The following REV1 variants were observed in gnomAD, a reference collection of about 807,000 sequenced individuals.
REV1 encodes translesion synthesis protein REV1.
A neutral mutation model predicts 137.4 loss-of-function variants in REV1; 42 were observed. The observed-to-expected ratio is 0.31, with a 90% CI of 0.24 to 0.40. REV1 has a LOEUF of 0.40. REV1 is among the 10% of genes least tolerant of loss of function. The pLI, the probability that REV1 is intolerant of heterozygous loss-of-function variation, is 1.00. For missense variants in REV1, 1,282 were observed against 1,490.1 expected (o/e 0.86, Z 2.30); for synonymous variants, 524 against 519.2 (o/e 1.01, Z -0.12).
Position 99,402,782 on chromosome 2 carries a change from T to G in REV1, c.3403A>C (p.Thr1135Pro). The G allele has an allele frequency of 8.1e-6, 13 of 1,614,204 alleles. No homozygotes were observed. The highest frequency in any genetic ancestry group is 1.1e-5 in the Non-Finnish European group (13 of 1,180,036). The change falls in exon 21 of 23, where the codon ACT becomes CCT. Residue 1135 changes from threonine (T) to proline (P), a missense_variant. By Grantham distance (38) the Thr-to-Pro change is conservative (BLOSUM62 -1). This residue lies in a region of REV1 where 170 missense variants were observed against 156.8 expected (regional missense o/e 1.08). Transcript: ENST00000258428. ...EKPLEELSAS[T>P]SGVPGLSSLQ... ...CTAGAAAGGCCTGGCACACCTGAAG[T>G]AGAAGCAGAGAGTTCTTCCTGTTAA... is the stretch of plus-strand genomic sequence containing the variant.
rs1405820818 is a variant in REV1 at position 99,488,476 on chromosome 2, A to T, written c.-11+1341T>A. Reference sequence around the variant, plus strand: ...ACTCTACCCTCAAAAGGTCCTACACAGTAAGAGAAGACAGGGCTAAAAAGA... The same window carrying T: ...ACTCTACCCTCAAAAGGTCCTACACTGTAAGAGAAGACAGGGCTAAAAAGA... On this transcript the variant is annotated intron_variant, in intron 1 of 22. Transcript: ENST00000258428. Among the ~76,000 whole-genome samples the T allele has an allele frequency of 3.3e-5, 2 of 60,826 alleles. 1 individual carries two copies. The highest frequency in any genetic ancestry group is 1.1e-4 in the African/African-American group (2 of 17,702). 39.9% of individuals were successfully genotyped at this position (60,826 alleles called of 152,430 possible).
At chr2:99,472,084 C>CA (rs1400017227) in intron 1 of REV1, among the ~76,000 whole-genome samples, 1 of 151,998 alleles carries the variant, frequency 6.6e-6, no homozygotes, top group African/African-American at 2.4e-5. Context: ...ACCTGAGACA[C>CA]AAAGAGGTAT....
chr2:99,447,329 C>T (rs1559365180), intron 4 of REV1, among the ~76,000 whole-genome samples: 1 of 151,980 alleles, frequency 6.6e-6, no homozygotes, highest in African/African-American at 2.4e-5. Flanking sequence ...CGCGCCACCA[C>T]GCCCAGCTAA....
Position 99,449,452 on chromosome 2 carries a change from G to T in REV1, c.234C>A (p.Tyr78Ter), listed in dbSNP as rs896062585. 1 of 1,545,834 alleles carries T rather than the reference G, an allele frequency of 6.5e-7. No individual in the cohort carries two copies. Among genetic ancestry groups the T allele is most frequent in the South Asian group, 1.3e-5 (1 of 76,138 alleles). Reference sequence around the variant, plus strand: ...TTTTAGATCTGGAATAATATACATGGTATTGACCTCCATGCAACATCATTA... The same window carrying T: ...TTTTAGATCTGGAATAATATACATGTTATTGACCTCCATGCAACATCATTA... ...RKLMMLHGGQ[Y>*]HVYYSRSKTT... The change falls in exon 4 of 23, where the codon TAC (tyrosine) becomes TAA (stop). Residue 78 changes from tyrosine to a stop codon, truncating the protein, a stop_gained. Transcript: ENST00000258428. LOFTEE classifies it high-confidence loss of function.
intron 1 of REV1, among the ~76,000 whole-genome samples, chr2:99,470,185 A>G (rs1427949054): frequency 6.6e-6 from 1 of 152,196 alleles, no homozygotes; most frequent in Non-Finnish European, 1.5e-5. Flanking sequence ...GGTTCTAAAC[A>G]GTTCATCACA....
At position 99,438,897 on chromosome 2, in the gene REV1, T is replaced by C; in HGVS notation, c.917A>G (p.Asn306Ser). ...NSFSLSPLHS[N>S]TKINGAHHST... The stretch of plus-strand genomic sequence containing the variant: ...GTGGTGAGCACCATTGATTTTAGTG[T>C]TACTGTGCAAAGGTGATAATGAGAA... Residue 306 changes from asparagine (N) to serine (S), a missense_variant, in exon 6 of 23, where the codon AAC becomes AGC. Physicochemically the swap from Asn to Ser is conservative, Grantham distance 46. Transcript: ENST00000258428. The C allele has an allele frequency of 2.5e-6, 4 of 1,614,180 alleles. No individual in the cohort carries two copies. The highest frequency in any genetic ancestry group is 3.4e-6 in the Non-Finnish European group (4 of 1,180,024).
At position 99,404,482 on chromosome 2, in the gene REV1, C is replaced by T. The variant is rs3087401; in HGVS notation, c.3007G>A (p.Ala1003Thr). Residue 1003 changes from alanine (A) to threonine (T), a missense_variant, in exon 18 of 23, where the codon GCA becomes ACA. Physicochemically the swap from Ala to Thr is moderately conservative, Grantham distance 58. Transcript: ENST00000258428. Reference sequence around the variant, plus strand: ...GGAAGGGCTATTAAATTTATTCCTGCGTCACTGTTCGATTCTTGAGGTTCT... The same window carrying T: ...GGAAGGGCTATTAAATTTATTCCTGTGTCACTGTTCGATTCTTGAGGTTCT... The part of the protein sequence containing the change: ...IPEPQESNSD[A>T]GINLIALPAF... 18,123 of 1,614,048 alleles carry T rather than the reference C, an allele frequency of 0.011. 1,623 individuals carry two copies. The Admixed American group carries it at 0.2, about 18-fold the overall frequency.
chr2:99,486,669 C>G (rs1317540443), intron 1 of REV1, among the ~76,000 whole-genome samples: 4 of 152,202 alleles, frequency 2.6e-5, no homozygotes, highest in Non-Finnish European at 5.9e-5. Flanking sequence ...TATTAACTTG[C>G]CCACAGTCTC....
intron 11 of REV1, 121 bp downstream of exon 11, chr2:99,421,378 A>C (rs1678653866): frequency 2.5e-6 from 2 of 807,638 alleles, no homozygotes; most frequent in South Asian, 1.9e-5. Context: ...AATTGTAAGC[A>C]ATGCTAAAAA....
chr2:99,403,537 A>G (rs1169485337), intron 19 of REV1, 158 bp downstream of exon 19: 1 of 864,076 alleles, frequency 1.2e-6, no homozygotes, highest in Non-Finnish European at 1.8e-6. Flanking sequence ...AAATATGATG[A>G]TATTTACTCA....
At chr2:99,436,164 GTGC>G (rs974182123) in intron 6 of REV1, among the ~76,000 whole-genome samples, 31 of 152,244 alleles carry the variant, frequency 2.0e-4, no homozygotes, top group African/African-American at 7.2e-4. Context: ...TTATTTCACT[GTGC>G]TGATTATTTT....
chr2:99,419,842 A>G (rs1236161277), intron 11 of REV1, among the ~76,000 whole-genome samples: 1 of 152,184 alleles, frequency 6.6e-6, no homozygotes, highest in East Asian at 1.9e-4. Flanking sequence ...TAAAATCTCC[A>G]AAGGGAAGAC....
At chr2:99,404,330 C>A in intron 18 of REV1, 114 bp downstream of exon 18, 1 of 820,524 alleles carries the variant, frequency 1.2e-6, no homozygotes, top group Non-Finnish European at 2.0e-6. Flanking sequence ...CCTCCCCTCC[C>A]CAGTGGATGT....
At chr2:99,447,229 T>A (rs1246860147) in intron 4 of REV1, among the ~76,000 whole-genome samples, 1 of 151,836 alleles carries the variant, frequency 6.6e-6, no homozygotes, top group Non-Finnish European at 1.5e-5. Flanking sequence ...TGATCTCAGC[T>A]CATTGTAACC....
At chr2:99,486,083 C>G (rs937131686) in intron 1 of REV1, among the ~76,000 whole-genome samples, 1 of 152,200 alleles carries the variant, frequency 6.6e-6, no homozygotes, top group Admixed American at 6.5e-5. Flanking sequence ...CGTGATCACA[C>G]CACTGCATTC....
chr2:99,420,395 C>T lies in REV1; in HGVS notation c.1831+1104G>A, dbSNP rs1439160263. Among the ~76,000 whole-genome samples, 4 of 152,184 alleles carry T rather than the reference C, an allele frequency of 2.6e-5. No individual in the cohort carries two copies. In the East Asian group the frequency reaches 5.8e-4, roughly 22 times the overall value. On this transcript the variant is annotated intron_variant, in intron 11 of 22. Coordinates refer to ENST00000258428, the MANE Select transcript of REV1 (RefSeq NM_016316.4). ...CCCTAAATTGTCCCAGGGCCAGCTA[C>T]CAGGCAACTAGGGACCACCCCTATA...
intron 3 of REV1, among the ~76,000 whole-genome samples, chr2:99,455,167 G>A (rs1683398322): frequency 6.6e-6 from 1 of 152,180 alleles, no homozygotes; most frequent in African/African-American, 2.4e-5. Flanking sequence ...ATTGTTGACT[G>A]TGCTATATAA....
At chr2:99,449,170 T>C (rs1025180074) in intron 4 of REV1, among the ~76,000 whole-genome samples, 166 bp downstream of exon 4, 4 of 151,952 alleles carry the variant, frequency 2.6e-5, no homozygotes, top group Admixed American at 1.3e-4. Context: ...GAAGCTGAGA[T>C]GGGAGGGCTG....
At chr2:99,421,012 G>C (rs530082991) in intron 11 of REV1, among the ~76,000 whole-genome samples, 2 of 152,182 alleles carry the variant, frequency 1.3e-5, no homozygotes, top group Non-Finnish European at 2.9e-5. Flanking sequence ...TGGAAACAAA[G>C]TACAAGGTTT....
Sources: allele counts gnomAD v4.1 joint callset (sites outside exome capture counted in the v4.1 genomes callset), GRCh38; gene constraint gnomAD v4.1.1; regional missense constraint gnomAD v4.1.1; transcripts MANE v1.5; gene names NCBI Gene and HGNC (gene_info 2026-07-23, HGNC 2026-07-21).